Variants in PCDH15 observed in about 807,000 individuals in gnomAD.
PCDH15 encodes the protein protocadherin-15.
PCDH15 carries 129 observed loss-of-function variants against 178.5 expected under a neutral mutation model. That is an observed-to-expected ratio of 0.72 (90% CI 0.63 to 0.84). The LOEUF (loss-of-function observed/expected upper bound fraction) is 0.84. Among genes scored for constraint, PCDH15 ranks in the 40% least tolerant of loss-of-function variants. The probability of loss-of-function intolerance (pLI) is 0.00; values close to 1 mark genes in which losing one functional copy is unlikely to be tolerated. For synonymous variants in PCDH15, 800 were observed against 732.0 expected, an observed-to-expected ratio of 1.09 and a Z score of -1.50; for missense variants, 2,230 against 2,099.9, an observed-to-expected ratio of 1.06 and a Z score of -1.21.
chr10:55,538,372 C>A (rs975285834), intron 2 of PCDH15, among the ~76,000 whole-genome samples: 1 of 151,548 alleles, frequency 6.6e-6, no homozygotes, highest in Admixed American at 6.6e-5. Flanking sequence ...AATAGGAAAG[C>A]TTTTCCTTCC....
chr10:54,939,959 G>A (rs1226098865), intron 2 of PCDH15, among the ~76,000 whole-genome samples: 7 of 152,112 alleles, frequency 4.6e-5, no homozygotes, highest in Admixed American at 4.6e-4. Flanking sequence ...TTCAACAAGT[G>A]AATTTGGAGG....
intron 2 of PCDH15, among the ~76,000 whole-genome samples, chr10:55,049,599 C>T (rs1841107243): frequency 6.6e-6 from 1 of 151,872 alleles, no homozygotes; most frequent in African/African-American, 2.4e-5. Context: ...ATTTATTGAA[C>T]ATATAACTAA....
chr10:54,042,599 T>C (rs1202309404), intron 18 of PCDH15, among the ~76,000 whole-genome samples: 1 of 152,046 alleles, frequency 6.6e-6, no homozygotes, highest in Non-Finnish European at 1.5e-5. Flanking sequence ...CGTAGCTGTG[T>C]TCAAGAACAG....
At chr10:54,951,557 A>T (rs1461733248) in intron 2 of PCDH15, among the ~76,000 whole-genome samples, 1 of 151,920 alleles carries the variant, frequency 6.6e-6, no homozygotes, top group Non-Finnish European at 1.5e-5. Flanking sequence ...ATTAGTTTTC[A>T]CCACATATGG....
Position 53,840,393 on chromosome 10 carries a change from T to C in PCDH15, c.3910A>G (p.Thr1304Ala). The change falls in exon 29 of 38, where the codon ACC becomes GCC. Residue 1304 changes from threonine (T) to alanine (A), a missense_variant. Coordinates refer to ENST00000644397, the MANE Select transcript of PCDH15 (RefSeq NM_001384140.1). ...GCATAGACAGTCAAGTCACATTTGG[T>C]GTAATCTTCTAGGGAAAAGGCATCT... ...HGDAFSLEDY[T>A]KCDLTVYAID... is the part of the protein sequence containing the mutation. 2 of 1,614,074 alleles carry C rather than the reference T, an allele frequency of 1.2e-6. No homozygotes were observed. The highest frequency in any genetic ancestry group is 1.7e-6 in the Non-Finnish European group (2 of 1,179,968).
At chr10:55,042,955 G>A (rs1840904776) in intron 2 of PCDH15, among the ~76,000 whole-genome samples, 1 of 152,080 alleles carries the variant, frequency 6.6e-6, no homozygotes, top group South Asian at 2.1e-4. Context: ...ACTTGTGTGT[G>A]TGTGTATGTG....
intron 2 of PCDH15, among the ~76,000 whole-genome samples, chr10:55,487,393 C>A (rs1292826702): frequency 1.3e-5 from 2 of 151,572 alleles, no homozygotes; most frequent in African/African-American, 4.8e-5. Context: ...TTACCATCTC[C>A]CTGAATTCTA....
intron 3 of PCDH15, among the ~76,000 whole-genome samples, chr10:54,493,473 A>G (rs1158385838): frequency 7.7e-6 from 1 of 130,538 alleles, no homozygotes; most frequent in African/African-American, 3.0e-5. Flanking sequence ...CTAAATTAGA[A>G]GAGATGGATA....
chr10:54,395,390 T>C (rs1951072143), intron 3 of PCDH15, among the ~76,000 whole-genome samples: 1 of 151,138 alleles, frequency 6.6e-6, no homozygotes, highest in African/African-American at 2.4e-5. Context: ...GCTTTCAACT[T>C]AGTGACTATT....
At chr10:53,888,311 T>TATATGTATATATATAC (rs2081272949) in intron 26 of PCDH15, among the ~76,000 whole-genome samples, 4 of 41,836 alleles carry the variant, frequency 9.6e-5, no homozygotes, top group African/African-American at 2.0e-4. Flanking sequence ...TATATATATG[T>TATATGTATATATATAC]ATATATGTAC....
At chr10:55,170,939 A>G (rs1465144668) in intron 1 of PCDH15, among the ~76,000 whole-genome samples, 2 of 151,932 alleles carry the variant, frequency 1.3e-5, no homozygotes, top group Admixed American at 6.6e-5. Flanking sequence ...CTCTTAGTAT[A>G]TTTTCTTTTT....
intron 23 of PCDH15, among the ~76,000 whole-genome samples, chr10:53,957,734 A>G (rs1900458): frequency 0.7 from 106,044 of 151,862 alleles, 37,341 homozygotes; most frequent in East Asian, 0.87. Context: ...AAACTGTGAA[A>G]AATGATACTG....
intron 2 of PCDH15, among the ~76,000 whole-genome samples, chr10:55,149,863 A>G (rs1838649064): frequency 6.6e-6 from 1 of 152,020 alleles, no homozygotes; most frequent in South Asian, 2.1e-4. Flanking sequence ...TCTCAATCTT[A>G]AATTATGGTC....
intron 26 of PCDH15, among the ~76,000 whole-genome samples, chr10:53,871,480 G>GTGTGTA (rs1164989375): frequency 0.012 from 1,753 of 150,196 alleles, 31 homozygotes; most frequent in African/African-American, 0.041. Flanking sequence ...GTGTGTGTGT[G>GTGTGTA]TATATACACA....
chr10:54,783,020 A>T (rs1950520199), intron 1 of PCDH15, among the ~76,000 whole-genome samples: 1 of 152,194 alleles, frequency 6.6e-6, no homozygotes, highest in African/African-American at 2.4e-5. Context: ...AATTGGAAGA[A>T]GAAACTATTC....
intron 3 of PCDH15, among the ~76,000 whole-genome samples, chr10:54,857,641 T>G (rs569865624): frequency 6.6e-6 from 1 of 150,552 alleles, no homozygotes; most frequent in East Asian, 2.0e-4. Flanking sequence ...TTTTTAGAGA[T>G]AGGGTCTTGC....
intron 7 of PCDH15, among the ~76,000 whole-genome samples, chr10:54,325,473 G>A (rs1165056822): frequency 1.3e-5 from 2 of 152,036 alleles, no homozygotes; most frequent in Non-Finnish European, 2.9e-5. Context: ...CCACTGCCAG[G>A]TGCAGTGGCT....
intron 2 of PCDH15, among the ~76,000 whole-genome samples, chr10:55,324,849 A>G (rs560279743): frequency 6.6e-6 from 1 of 152,300 alleles, no homozygotes; most frequent in East Asian, 1.9e-4. Context: ...AAGCTTCTTG[A>G]GCTAATAAAT....
At chr10:54,435,569 C>T (rs553198328) in intron 3 of PCDH15, among the ~76,000 whole-genome samples, 2 of 152,270 alleles carry the variant, frequency 1.3e-5, no homozygotes, top group South Asian at 4.1e-4. Context: ...GTCTCATTAG[C>T]ATTAAATGTC....
Sources: gnomAD v4.1 joint callset for allele counts (sites outside exome capture counted in the v4.1 genomes callset) on GRCh38, gnomAD v4.1.1 for gene constraint, MANE v1.5 for transcripts, NCBI Gene and HGNC (gene_info 2026-07-23, HGNC 2026-07-21) for gene names.